Variants in KLHL1 observed in about 807,000 individuals in gnomAD.
The protein encoded by KLHL1 is kelch-like protein 1.
In KLHL1, 47 loss-of-function variants were observed where a neutral mutation model predicts 77.7. The ratio of observed to expected loss-of-function variants is 0.60; its 90% CI spans 0.48 to 0.77. The LOEUF is 0.77. KLHL1 is among the 30% of genes least tolerant of loss of function. KLHL1 has a pLI of 0.00. For missense variants in KLHL1, 925 were observed against 910.8 expected (o/e 1.02, Z -0.20); for synonymous variants, 360 against 325.2 (o/e 1.11, Z -1.15).
chr13:69,952,709 T>G (rs1883749091), intron 3 of KLHL1, among the ~76,000 whole-genome samples: 1 of 151,372 alleles, frequency 6.6e-6, no homozygotes, highest in African/African-American at 2.4e-5. Context: ...ATCCTTCAAC[T>G]GAGGGAGACA....
At chr13:70,008,715 G>A (rs1277803170) in intron 1 of KLHL1, among the ~76,000 whole-genome samples, 1 of 151,696 alleles carries the variant, frequency 6.6e-6, no homozygotes, top group Non-Finnish European at 1.5e-5. Context: ...TTATATTTTT[G>A]TAGAGACTTG....
At chr13:69,772,177 T>C (rs1875604473) in intron 7 of KLHL1, among the ~76,000 whole-genome samples, 1 of 151,956 alleles carries the variant, frequency 6.6e-6, no homozygotes, top group South Asian at 2.1e-4. Flanking sequence ...TTTTTATTTT[T>C]TTAAAGTTGA....
chr13:69,753,587 C>G (rs1874579021), intron 7 of KLHL1, among the ~76,000 whole-genome samples: 1 of 152,056 alleles, frequency 6.6e-6, no homozygotes, highest in Admixed American at 6.6e-5. Context: ...TTCAATATGA[C>G]AGATAAATCA....
chr13:70,064,825 G>A (rs1886970561), intron 1 of KLHL1, among the ~76,000 whole-genome samples: 1 of 152,150 alleles, frequency 6.6e-6, no homozygotes, highest in Non-Finnish European at 1.5e-5. Flanking sequence ...TATCTCCTTG[G>A]CACAGTTGCC....
intron 7 of KLHL1, among the ~76,000 whole-genome samples, chr13:69,746,613 T>C (rs1874225541): frequency 6.6e-6 from 1 of 152,000 alleles, no homozygotes; most frequent in African/African-American, 2.4e-5. Context: ...TTTTTTCTCA[T>C]TTTCTTTCTC....
chr13:69,948,310 C>T (rs893767449), intron 3 of KLHL1, among the ~76,000 whole-genome samples: 7 of 151,994 alleles, frequency 4.6e-5, no homozygotes, highest in South Asian at 4.1e-4. Flanking sequence ...ATATCTCTTA[C>T]ATCAGTGAAG....
At chr13:70,068,045 T>C (rs1348557253) in intron 1 of KLHL1, among the ~76,000 whole-genome samples, 1 of 141,512 alleles carries the variant, frequency 7.1e-6, no homozygotes, top group Non-Finnish European at 1.6e-5. Flanking sequence ...TTAGTATAAG[T>C]AAAAAAAAAA....
chr13:70,101,345 G>C (rs888279116), intron 1 of KLHL1, among the ~76,000 whole-genome samples: 5 of 151,896 alleles, frequency 3.3e-5, no homozygotes, highest in Non-Finnish European at 5.9e-5. Context: ...GTACATCGTA[G>C]TATAAACTAC....
intron 6 of KLHL1, among the ~76,000 whole-genome samples, chr13:69,823,396 T>C (rs1404184207): frequency 6.6e-6 from 1 of 152,044 alleles, no homozygotes; most frequent in Admixed American, 6.6e-5. Context: ...CCCAAAGGTA[T>C]TTGGGGTTGT....
intron 8 of KLHL1, among the ~76,000 whole-genome samples, chr13:69,720,675 A>T (rs1184131999): frequency 6.6e-6 from 1 of 151,862 alleles, no homozygotes; most frequent in Admixed American, 6.6e-5. Context: ...TTGCAAAAAA[A>T]CTTGGAAGAG....
At chr13:69,989,214 G>C (rs1016293151) in intron 1 of KLHL1, among the ~76,000 whole-genome samples, 1 of 151,962 alleles carries the variant, frequency 6.6e-6, no homozygotes. Context: ...TATTGAATAG[G>C]TAATCCTTTC....
chr13:69,718,917 C>T (rs1872899645), intron 9 of KLHL1, among the ~76,000 whole-genome samples: 1 of 152,038 alleles, frequency 6.6e-6, no homozygotes, highest in Admixed American at 6.6e-5. Context: ...GATAATTCAC[C>T]TTTGAGAGTT....
At chr13:70,064,952 G>T (rs1886973608) in intron 1 of KLHL1, among the ~76,000 whole-genome samples, 1 of 152,120 alleles carries the variant, frequency 6.6e-6, no homozygotes, top group Non-Finnish European at 1.5e-5. Flanking sequence ...CCCCTTTGCA[G>T]TCAACCCTCC....
Position 69,818,219 on chromosome 13 carries a change from C to CTTTTTTTTTTTTTTTTTTTTTT in KLHL1, c.1414+20756_1414+20757insAAAAAAAAAAAAAAAAAAAAAA, listed in dbSNP as rs1316398623. On this transcript the variant is annotated intron_variant, in intron 6 of 10. Coordinates refer to ENST00000377844, the MANE Select transcript of KLHL1 (RefSeq NM_020866.3). ...AGAATTTAACTTAACTCATAGGCAT[C>CTTTTTTTTTTTTTTTTTTTTTT]TTTTTTTTTTTTTTTTTTTTGAGAC... 8.9e-4 allele frequency among the ~76,000 whole-genome samples: 100 copies of CTTTTTTTTTTTTTTTTTTTTTT among 112,882 alleles called. 14 individuals are homozygous for CTTTTTTTTTTTTTTTTTTTTTT. Among genetic ancestry groups the CTTTTTTTTTTTTTTTTTTTTTT allele is most frequent in the African/African-American group, 3.5e-3 (88 of 25,108 alleles). 74.1% of individuals were successfully genotyped at this position (112,882 alleles called of 152,430 possible).
intron 7 of KLHL1, among the ~76,000 whole-genome samples, chr13:69,747,778 T>C (rs1258301858): frequency 6.6e-6 from 1 of 152,018 alleles, no homozygotes; most frequent in Non-Finnish European, 1.5e-5. Context: ...AGAAGTCTTA[T>C]ATATTGCTGA....
chr13:70,049,186 T>C (rs1054216346), intron 1 of KLHL1, among the ~76,000 whole-genome samples: 2 of 152,112 alleles, frequency 1.3e-5, no homozygotes, highest in Non-Finnish European at 2.9e-5. Flanking sequence ...TTGATAGATA[T>C]GAAAAATTGA....
At chr13:69,830,435 C>T (rs1249854818) in intron 6 of KLHL1, among the ~76,000 whole-genome samples, 1 of 149,870 alleles carries the variant, frequency 6.7e-6, no homozygotes, top group Admixed American at 6.7e-5. Flanking sequence ...CACTGGAGGT[C>T]CCAAATTTAT....
At chr13:69,825,615 G>T (rs1878513699) in intron 6 of KLHL1, among the ~76,000 whole-genome samples, 1 of 151,988 alleles carries the variant, frequency 6.6e-6, no homozygotes, top group African/African-American at 2.4e-5. Flanking sequence ...GGGTGGATGG[G>T]ACTGGAGAGA....
chr13:69,760,347 T>TTCA (rs1555266040), intron 7 of KLHL1, among the ~76,000 whole-genome samples: 1 of 150,068 alleles, frequency 6.7e-6, no homozygotes, highest in African/African-American at 2.4e-5. Flanking sequence ...GTTAGGATAT[T>TTCA]TTATTATTAT....
Sources: gnomAD v4.1 joint callset for allele counts (sites outside exome capture counted in the v4.1 genomes callset) on GRCh38, gnomAD v4.1.1 for gene constraint, MANE v1.5 for transcripts, NCBI Gene and HGNC (gene_info 2026-07-23, HGNC 2026-07-21) for gene names.